The following SLC2A14 variants were observed in gnomAD, a reference collection of about 807,000 sequenced individuals.
SLC2A14 encodes the protein solute carrier family 2, facilitated glucose transporter member 14.
In SLC2A14, 13 loss-of-function variants were observed where a neutral mutation model predicts 43.0. That is an observed-to-expected ratio of 0.30 (90% confidence interval 0.20 to 0.48). The LOEUF (loss-of-function observed/expected upper bound fraction) is 0.48, where lower values mean the gene tolerates loss of function less well. Among genes scored for constraint, SLC2A14 ranks in the 20% least tolerant of loss-of-function variants. The pLI, the probability that SLC2A14 is intolerant of heterozygous loss-of-function variation, is 0.99. For synonymous variants in SLC2A14, 190 were observed against 233.8 expected (o/e 0.81, Z 1.71); for missense variants, 428 against 620.4 (o/e 0.69, Z 3.29).
At chr12:7,874,729 A>AT (rs1342145239), upstream of SLC2A14, among the ~76,000 whole-genome samples, 2 of 31,828 alleles carry the variant, frequency 6.3e-5, no homozygotes, top group Non-Finnish European at 1.5e-4. Context: ...AATATATAAA[A>AT]AATATATAAA....
At chr12:7,836,760 C>A (rs779463138) in intron 2 of SLC2A14, among the ~76,000 whole-genome samples, 6 of 151,498 alleles carry the variant, frequency 4.0e-5, no homozygotes, top group Non-Finnish European at 8.8e-5. Context: ...CACTTGAACC[C>A]GGGAGGCGGA....
rs1863171716 is a variant in SLC2A14 at position 7,813,232 on chromosome 12, C to T, written c.*1084G>A. The T allele has an allele frequency of 6.6e-6, 1 of 152,080 alleles. No homozygotes were observed. Among genetic ancestry groups the T allele is most frequent in the Non-Finnish European group, 1.5e-5 (1 of 67,996 alleles). 9.4% of individuals were successfully genotyped at this position (152,080 alleles called of 1,614,324 possible). On this transcript the variant is annotated 3_prime_UTR_variant, in exon 11 of 11. Transcript: ENST00000431042. Reference sequence around the variant, plus strand: ...AACAGAAAATCAACACCTAAAATCTCCTAAAGAACAAAGTGGAGAAATAAT... The same window carrying T: ...AACAGAAAATCAACACCTAAAATCTTCTAAAGAACAAAGTGGAGAAATAAT...
At chr12:7,874,828 T>A (rs193019891), upstream of SLC2A14, among the ~76,000 whole-genome samples, 199 of 66,056 alleles carry the variant, frequency 3.0e-3, no homozygotes, top group East Asian at 0.029. Flanking sequence ...ATATATAAAT[T>A]ATATATAAAT....
At chr12:7,847,023 T>A (rs1592238436) in intron 2 of SLC2A14, among the ~76,000 whole-genome samples, 1 of 150,948 alleles carries the variant, frequency 6.6e-6, no homozygotes, top group Admixed American at 6.6e-5. Flanking sequence ...GAGGCCGAGG[T>A]GGGTGGATCA....
At chr12:7,862,804 T>C (rs1228771896) in intron 2 of SLC2A14, among the ~76,000 whole-genome samples, 1 of 152,136 alleles carries the variant, frequency 6.6e-6, no homozygotes, top group African/African-American at 2.4e-5. Context: ...ACACTCTTTA[T>C]CTAGCTGCTC....
intron 2 of SLC2A14, among the ~76,000 whole-genome samples, chr12:7,864,125 T>G (rs1042147215): frequency 6.6e-6 from 1 of 151,648 alleles, no homozygotes; most frequent in African/African-American, 2.4e-5. Context: ...CACCACATTG[T>G]TTTGATTACA....
intron 2 of SLC2A14, among the ~76,000 whole-genome samples, chr12:7,867,096 G>A (rs1471600512): frequency 2.0e-5 from 3 of 151,732 alleles, no homozygotes; most frequent in East Asian, 1.9e-4. Context: ...TGGCTAACAC[G>A]GTGAAACCCC....
chr12:7,821,489 C>T (rs1397167953), intron 7 of SLC2A14, among the ~76,000 whole-genome samples, 164 bp from the exon 8 acceptor site: 1 of 152,090 alleles, frequency 6.6e-6, no homozygotes, highest in Non-Finnish European at 1.5e-5. Context: ...TTGAGACCAG[C>T]CTGGCCAATA....
At chr12:7,862,135 A>G (rs899283869) in intron 2 of SLC2A14, among the ~76,000 whole-genome samples, 3 of 150,540 alleles carry the variant, frequency 2.0e-5, no homozygotes, top group African/African-American at 7.3e-5. Flanking sequence ...ATGGTCGCGC[A>G]TGCCTGTAAT....
At chr12:7,883,021 C>T (rs758151188) in intron 1 of SLC2A14, among the ~76,000 whole-genome samples, 5 of 151,688 alleles carry the variant, frequency 3.3e-5, no homozygotes, top group Admixed American at 6.6e-5. Flanking sequence ...CCATCCTGGC[C>T]AACATGGTGA....
intron 2 of SLC2A14, among the ~76,000 whole-genome samples, chr12:7,853,160 G>T (rs940532333): frequency 6.6e-6 from 1 of 152,070 alleles, no homozygotes; most frequent in African/African-American, 2.4e-5. Flanking sequence ...AGAAAACAGG[G>T]CTGGGCATGG....
chr12:7,822,168 C>T (rs1343575499), intron 7 of SLC2A14, among the ~76,000 whole-genome samples: 1 of 151,728 alleles, frequency 6.6e-6, no homozygotes, highest in Admixed American at 6.6e-5. Context: ...GCCATGTTGG[C>T]CAGGTTGGTC....
chr12:7,816,173 C>T (rs1204670101), intron 10 of SLC2A14, among the ~76,000 whole-genome samples: 2 of 65,726 alleles, frequency 3.0e-5, no homozygotes, highest in African/African-American at 6.4e-5. Context: ...GGCGCAATCT[C>T]GGCTCACTGC....
chr12:7,853,169 G>A (rs914299046), intron 2 of SLC2A14, among the ~76,000 whole-genome samples: 1 of 151,996 alleles, frequency 6.6e-6, no homozygotes, highest in Non-Finnish European at 1.5e-5. Context: ...GGCTGGGCAT[G>A]GTGGCTCATG....
At chr12:7,849,207 TA>T (rs1866720456) in intron 2 of SLC2A14, among the ~76,000 whole-genome samples, 1 of 151,846 alleles carries the variant, frequency 6.6e-6, no homozygotes, top group Non-Finnish European at 1.5e-5. Flanking sequence ...AACATCTTGA[TA>T]AAAACATCCA....
intron 1 of SLC2A14, chr12:7,870,832 C>G (rs1265638442): frequency 7.2e-6 from 9 of 1,242,602 alleles, no homozygotes; most frequent in South Asian, 1.5e-5. Flanking sequence ...CAGTGAAGCC[C>G]CCACCCACCT....
intron 6 of SLC2A14, among the ~76,000 whole-genome samples, chr12:7,827,938 G>T (rs1374889211): frequency 6.6e-6 from 1 of 152,110 alleles, no homozygotes; most frequent in Non-Finnish European, 1.5e-5. Flanking sequence ...GTGAGTTTGA[G>T]ACCAGCCTGG....
At position 7,831,708 on chromosome 12, in the gene SLC2A14, A is replaced by G. The variant is rs890209489; in HGVS notation, c.168T>C (p.Ser56=). 5.6e-6 allele frequency: 9 copies of G among 1,614,140 alleles called. No individual in the cohort carries two copies. Among genetic ancestry groups the G allele is most frequent in the Non-Finnish European group, 6.8e-6 (8 of 1,180,062 alleles). The change falls in exon 4 of 11, where the codon TCT becomes TCC. Residue 56 remains serine, a synonymous_variant. Transcript: ENST00000431042. The part of the protein sequence containing the change: ...TLTDKANAPP[S]EVLLTNLWSL... ...ACCAGAGATTCGTGAGCAGCACCTC[A>G]GAGGGAGGGGCATTTGCCTTGTCCG...
chr12:7,826,873 C>T (rs57728998), intron 7 of SLC2A14, among the ~76,000 whole-genome samples: 8,427 of 19,938 alleles, frequency 0.42, 1,109 homozygotes, highest in Non-Finnish European at 0.5. Flanking sequence ...TTCTTTCTTT[C>T]TTTCTTTCTT....
Sources: gnomAD v4.1 joint callset for allele counts (sites outside exome capture counted in the v4.1 genomes callset) on GRCh38, gnomAD v4.1.1 for gene constraint, MANE v1.5 for transcripts, NCBI Gene and HGNC (gene_info 2026-07-23, HGNC 2026-07-21) for gene names.